Variants in ATXN1 observed in about 807,000 individuals in gnomAD.
ATXN1 encodes ataxin-1.
ATXN1 carries 8 observed loss-of-function variants against 56.4 expected under a neutral mutation model. The ratio of observed to expected loss-of-function variants is 0.14; its 90% CI spans 0.08 to 0.26. The LOEUF (loss-of-function observed/expected upper bound fraction) is 0.26. ATXN1 is among the 10% of genes least tolerant of loss of function. The pLI, the probability that ATXN1 is intolerant of heterozygous loss-of-function variation, is 1.00. For missense variants in ATXN1, 987 were observed against 1,106.5 expected (o/e 0.89, Z 1.53); for synonymous variants, 514 against 494.6 (o/e 1.04, Z -0.52).
intron 3 of ATXN1, among the ~76,000 whole-genome samples, chr6:16,634,746 GGTT>G (rs1470778081): frequency 6.6e-6 from 1 of 152,080 alleles, no homozygotes; most frequent in Non-Finnish European, 1.5e-5. Context: ...TTTGCTTACT[GGTT>G]GTTTTTTTCC....
chr6:16,423,725 C>G (rs116550345), intron 6 of ATXN1, among the ~76,000 whole-genome samples: 1,541 of 152,200 alleles, frequency 0.01, 18 homozygotes, highest in African/African-American at 0.033. Context: ...TGTGAGTGGA[C>G]AGAAATTAAA....
intron 2 of ATXN1, among the ~76,000 whole-genome samples, chr6:16,714,133 C>T (rs113871296): frequency 2.7e-5 from 4 of 148,362 alleles, no homozygotes; most frequent in South Asian, 2.2e-4. Flanking sequence ...CCAGCCTGGG[C>T]GACAGAGTAA....
At chr6:16,748,320 G>A (rs1284944394) in intron 2 of ATXN1, among the ~76,000 whole-genome samples, 1 of 152,106 alleles carries the variant, frequency 6.6e-6, no homozygotes, top group African/African-American at 2.4e-5. Context: ...CCTTGATCCT[G>A]ACTTCCTAGA....
intron 4 of ATXN1, among the ~76,000 whole-genome samples, chr6:16,576,934 A>C (rs1469650947): frequency 6.6e-6 from 1 of 152,218 alleles, no homozygotes; most frequent in Non-Finnish European, 1.5e-5. Flanking sequence ...ACAAGTAGAC[A>C]CTTCATGGAG....
At chr6:16,441,004 C>T (rs1759506856) in intron 6 of ATXN1, among the ~76,000 whole-genome samples, 1 of 152,098 alleles carries the variant, frequency 6.6e-6, no homozygotes, top group South Asian at 2.1e-4. Context: ...TCCCAAGCTT[C>T]CAAAGGTCCT....
chr6:16,328,424 G>A lies in ATXN1; in HGVS notation c.-114C>T. ...TGTAGGGGATCCAGGCTCTTCATGA[G>A]GAATCATCTCCCCGTGGGTACAATC... is the stretch of plus-strand genomic sequence containing the variant. On this transcript the variant is annotated 5_prime_UTR_variant, in exon 7 of 8. Transcript: ENST00000436367. The surrounding 1 kb of genome is among the most constrained non-coding windows in gnomAD (Gnocchi z 6.2). 1 of 1,350,488 alleles carries A rather than the reference G, an allele frequency of 7.4e-7. No homozygotes were observed. The highest frequency in any genetic ancestry group is 2.2e-5 in the South Asian group (1 of 44,568). 83.7% of individuals were successfully genotyped at this position (1,350,488 alleles called of 1,614,324 possible).
intron 4 of ATXN1, among the ~76,000 whole-genome samples, chr6:16,534,346 G>A (rs766319612): frequency 1.3e-5 from 2 of 151,296 alleles, no homozygotes; most frequent in Non-Finnish European, 2.9e-5. Flanking sequence ...TTTTGTTAGA[G>A]AATTCAAAGC....
At chr6:16,353,397 C>T (rs1344084099) in intron 6 of ATXN1, among the ~76,000 whole-genome samples, 4 of 152,032 alleles carry the variant, frequency 2.6e-5, no homozygotes, top group African/African-American at 7.3e-5. Flanking sequence ...ACAGGAGGCC[C>T]GGCATGGTGG....
At chr6:16,676,386 A>C (rs1015912445) in intron 2 of ATXN1, among the ~76,000 whole-genome samples, 1 of 152,218 alleles carries the variant, frequency 6.6e-6, no homozygotes, top group African/African-American at 2.4e-5. Context: ...AAAGTAGTAC[A>C]TTATTTCAAA....
intron 4 of ATXN1, among the ~76,000 whole-genome samples, chr6:16,567,550 TGAC>T (rs1165992419): frequency 1.3e-5 from 2 of 152,322 alleles, no homozygotes; most frequent in South Asian, 4.1e-4. Context: ...AATCTAACTC[TGAC>T]AAGCTTGCAT....
chr6:16,635,914 G>C (rs1035015252), intron 3 of ATXN1, among the ~76,000 whole-genome samples: 1 of 152,172 alleles, frequency 6.6e-6, no homozygotes, highest in South Asian at 2.1e-4. Flanking sequence ...AGCACAGTCC[G>C]TGCAAGGGAA....
In ATXN1 at chr6:16,760,435, T is replaced by A. The variant is rs532203968; in HGVS notation, c.-730+863A>T. Among the ~76,000 whole-genome samples, 1 of 150,624 alleles carries A rather than the reference T, an allele frequency of 6.6e-6. No homozygotes were observed. Among genetic ancestry groups the A allele is most frequent in the Non-Finnish European group, 1.5e-5 (1 of 67,546 alleles). ...TCCGGGCGGCGGCTGCCGCTGCACA[T>A]GATCAGGAAGCGGCCGCACCAACAG... On this transcript the variant is annotated intron_variant, in intron 1 of 7. Coordinates refer to ENST00000436367, the MANE Select transcript of ATXN1 (RefSeq NM_001128164.2). This position sits in a 1 kb window ranked among gnomAD's most constrained non-coding sequence, Gnocchi z 5.3.
At chr6:16,751,077 T>G (rs1180376547) in intron 2 of ATXN1, among the ~76,000 whole-genome samples, 1 of 151,164 alleles carries the variant, frequency 6.6e-6, no homozygotes, top group Non-Finnish European at 1.5e-5. Context: ...CAAGCGATTC[T>G]CCTGCCTCAG....
Position 16,323,525 on chromosome 6 carries a change from CAAAAAAAAAAAA to C in ATXN1, c.1917+2857_1917+2868del, listed in dbSNP as rs35308265. ...GGGTGACAGAGCAAGACTCTGTCTC[CAAAAAAAAAAAA>C]AAAAAAAAAAAAAAAAAATAGAAGA... On this transcript the variant is annotated intron_variant, in intron 7 of 7. Transcript: ENST00000436367. Among the ~76,000 whole-genome samples the C allele has an allele frequency of 6.6e-4, 32 of 48,846 alleles. 2 individuals are homozygous for C. Among genetic ancestry groups the C allele is most frequent in the South Asian group, 2.1e-3 (2 of 932 alleles). The allele number at this position is 48,846 out of a possible 152,430, so 32.0% of individuals were successfully genotyped here.
At chr6:16,372,265 G>C (rs1443369810) in intron 6 of ATXN1, among the ~76,000 whole-genome samples, 2 of 152,150 alleles carry the variant, frequency 1.3e-5, no homozygotes, top group African/African-American at 4.8e-5. Context: ...CAGACCCAGG[G>C]CCAGACCAAT....
chr6:16,463,604 C>T (rs1281530265), intron 6 of ATXN1, among the ~76,000 whole-genome samples: 1 of 152,212 alleles, frequency 6.6e-6, no homozygotes, highest in Non-Finnish European at 1.5e-5. Flanking sequence ...CCTAGACCTC[C>T]TCACTGCTGA....
intron 5 of ATXN1, among the ~76,000 whole-genome samples, chr6:16,508,743 C>A (rs1761026223): frequency 2.6e-5 from 4 of 152,112 alleles, no homozygotes; most frequent in Non-Finnish European, 5.9e-5. Context: ...AATAGAATTG[C>A]CACGTGATCC....
chr6:16,477,924 T>A (rs1383252098), intron 6 of ATXN1, among the ~76,000 whole-genome samples: 2 of 152,106 alleles, frequency 1.3e-5, no homozygotes, highest in Non-Finnish European at 2.9e-5. Flanking sequence ...ATGAGGGAAA[T>A]GGAAAATCCT....
chr6:16,417,915 T>C (rs1758949049), intron 6 of ATXN1, among the ~76,000 whole-genome samples: 1 of 152,142 alleles, frequency 6.6e-6, no homozygotes, highest in Non-Finnish European at 1.5e-5. Context: ...GAAGATTTGG[T>C]TCAAAAGTTA....
Sources: gnomAD v4.1 joint callset for allele counts (sites outside exome capture counted in the v4.1 genomes callset) on GRCh38, gnomAD v4.1.1 for gene constraint, Gnocchi (gnomAD v3.1) non-coding constraint, MANE v1.5 for transcripts, NCBI Gene and HGNC (gene_info 2026-07-23, HGNC 2026-07-21) for gene names.